TRAPPC8: variants seen among roughly 807,000 people sequenced by gnomAD.
The protein encoded by TRAPPC8 is general sporulation gene 1 homolog.
A neutral mutation model predicts 174.3 loss-of-function variants in TRAPPC8; 54 were observed. That is an observed-to-expected ratio of 0.31 (90% CI 0.25 to 0.39). The LOEUF is 0.39. TRAPPC8 is among the 10% of genes least tolerant of loss of function. The pLI is 1.00. For missense variants in TRAPPC8, 1,531 were observed against 1,699.1 expected (o/e 0.90, Z 1.74); for synonymous variants, 630 against 579.9 (o/e 1.09, Z -1.24).
At chr18:31,848,757 T>C (rs1369891837) in intron 25 of TRAPPC8, among the ~76,000 whole-genome samples, 3 of 152,202 alleles carry the variant, frequency 2.0e-5, no homozygotes, top group Non-Finnish European at 4.4e-5. Context: ...CGGGTGATTA[T>C]TCTTGGACAA....
At position 31,904,236 on chromosome 18, in the gene TRAPPC8, CAAAAAAAA is replaced by C. The variant is rs113613252; in HGVS notation, c.1389+3216_1390-3212del. Among the ~76,000 whole-genome samples the C allele has an allele frequency of 7.9e-4, 73 of 92,202 alleles. 1 individual carries two copies. The highest frequency in any genetic ancestry group is 2.0e-3 in the African/African-American group (53 of 26,578). The allele number at this position is 92,202 out of a possible 152,430, so 60.5% of individuals were successfully genotyped here. On this transcript the variant is annotated intron_variant, in intron 9 of 28. Transcript: ENST00000283351. ...GGGCAACAGAGCAAGACCTTGCCTC[CAAAAAAAA>C]AAAAAAAGAAAAAAGAACCTAAGTT... is the stretch of plus-strand genomic sequence containing the variant.
intron 12 of TRAPPC8, among the ~76,000 whole-genome samples, chr18:31,875,723 C>A (rs1318331024): frequency 1.3e-5 from 2 of 152,048 alleles, no homozygotes; most frequent in Non-Finnish European, 2.9e-5. Context: ...TGGAAAATTG[C>A]AAGGAATGCC....
intron 16 of TRAPPC8, among the ~76,000 whole-genome samples, chr18:31,868,118 A>C (rs190541077): frequency 7.2e-4 from 110 of 152,296 alleles, no homozygotes; most frequent in Non-Finnish European, 1.8e-4. Flanking sequence ...GTGGGAGAGA[A>C]GGGAAAAAGG....
intron 11 of TRAPPC8, among the ~76,000 whole-genome samples, chr18:31,891,738 G>C (rs1004826327): frequency 5.9e-5 from 9 of 152,110 alleles, no homozygotes; most frequent in Admixed American, 5.9e-4. Flanking sequence ...ATTTTCCCCA[G>C]GGAAAGTTGA....
At chr18:31,893,974 T>C (rs1162209683) in intron 11 of TRAPPC8, among the ~76,000 whole-genome samples, 4 of 152,222 alleles carry the variant, frequency 2.6e-5, no homozygotes, top group African/African-American at 7.2e-5. Context: ...GAATATTTAA[T>C]GGTTTGCAAA....
At chr18:31,852,696 T>C in intron 22 of TRAPPC8, 33 bp from the exon 23 acceptor site, 1 of 1,557,552 alleles carries the variant, frequency 6.4e-7, no homozygotes, top group Non-Finnish European at 8.8e-7. Context: ...CAAAGATGTT[T>C]CTCAGTTCAT....
intron 13 of TRAPPC8, chr18:31,874,262 C>A: frequency 6.0e-6 from 3 of 499,648 alleles, no homozygotes; most frequent in Non-Finnish European, 1.0e-5. Flanking sequence ...AGCCACAAAT[C>A]AAGTGTTCAT....
In TRAPPC8 at chr18:31,854,691, G is replaced by A. The variant is rs116325461; in HGVS notation, c.3337-746C>T. 2.5e-3 allele frequency among the ~76,000 whole-genome samples: 374 copies of A among 152,144 alleles called. 3 individuals carry two copies. Among genetic ancestry groups the A allele is most frequent in the African/African-American group, 8.6e-3 (357 of 41,504 alleles). On this transcript the variant is annotated intron_variant, in intron 21 of 28. Coordinates refer to ENST00000283351, the MANE Select transcript of TRAPPC8 (RefSeq NM_014939.5). Reference sequence around the variant, plus strand: ...TCTTTGAGAATACTCATTTTTGGCCGAGCACGGTGGCTCACGCCTGTAATC... The same window carrying A: ...TCTTTGAGAATACTCATTTTTGGCCAAGCACGGTGGCTCACGCCTGTAATC...
intron 1 of TRAPPC8, 154 bp downstream of exon 1, chr18:31,942,454 C>T (rs1209406644): frequency 7.9e-6 from 8 of 1,015,776 alleles, no homozygotes; most frequent in Non-Finnish European, 9.4e-6. Context: ...CCTCCTCCAG[C>T]CGCCCCCGGA....
At chr18:31,857,496 C>A in intron 20 of TRAPPC8, 44 bp downstream of exon 20, 1 of 1,438,526 alleles carries the variant, frequency 7.0e-7, no homozygotes, top group African/African-American at 1.4e-5. Context: ...TGTGCATATA[C>A]ATTGAACATA....
At chr18:31,914,129 T>C (rs1417855256) in intron 4 of TRAPPC8, among the ~76,000 whole-genome samples, 5 of 96,150 alleles carry the variant, frequency 5.2e-5, no homozygotes, top group Non-Finnish European at 7.5e-5. Context: ...GAGACCCCCA[T>C]CTCAAAAAAA....
chr18:31,930,566 C>T (rs2037805846), intron 2 of TRAPPC8, among the ~76,000 whole-genome samples: 1 of 152,162 alleles, frequency 6.6e-6, no homozygotes, highest in African/African-American at 2.4e-5. Context: ...AAAATATCTA[C>T]CCCATGTCAA....
chr18:31,942,573 CG>C, intron 1 of TRAPPC8, 34 bp downstream of exon 1: 1 of 1,492,852 alleles, frequency 6.7e-7, no homozygotes, highest in Non-Finnish European at 9.0e-7. Context: ...CACGGCTTTG[CG>C]GGAGCCCACT....
chr18:31,894,626 C>A (rs1233520842), intron 11 of TRAPPC8, among the ~76,000 whole-genome samples: 2 of 151,982 alleles, frequency 1.3e-5, no homozygotes, highest in African/African-American at 4.8e-5. Context: ...GAGGTAGAGG[C>A]CTCAATTAAC....
intron 2 of TRAPPC8, 97 bp downstream of exon 2, chr18:31,931,231 CT>C: frequency 8.5e-7 from 1 of 1,176,190 alleles, no homozygotes; most frequent in Admixed American, 2.8e-5. Context: ...ACTTAGTAAA[CT>C]CTTAAATACA....
chr18:31,941,097 A>G lies in TRAPPC8; in HGVS notation c.157+1511T>C, dbSNP rs552935776. Among the ~76,000 whole-genome samples the G allele has an allele frequency of 6.4e-4, 97 of 152,358 alleles. 1 individual carries two copies. The South Asian group carries it at 0.013, about 20-fold the overall frequency. The stretch of plus-strand genomic sequence containing the variant: ...GCATTATTATTATTTATTAAGAAAG[A>G]AGGAAAGAGTACACATATAAAAGTA... On this transcript the variant is annotated intron_variant, in intron 1 of 28. Coordinates refer to ENST00000283351, the MANE Select transcript of TRAPPC8 (RefSeq NM_014939.5).
intron 9 of TRAPPC8, among the ~76,000 whole-genome samples, chr18:31,905,713 G>C (rs1030624581): frequency 1.3e-5 from 2 of 152,064 alleles, no homozygotes; most frequent in African/African-American, 2.4e-5. Flanking sequence ...ATTATTTTTA[G>C]GGTAGCTTTT....
At chr18:31,892,065 T>C (rs1009052970) in intron 11 of TRAPPC8, among the ~76,000 whole-genome samples, 1 of 152,236 alleles carries the variant, frequency 6.6e-6, no homozygotes, top group African/African-American at 2.4e-5. Flanking sequence ...CAGAAATACT[T>C]AGGGGAGCTT....
At chr18:31,889,505 A>AT (rs1251521942) in intron 12 of TRAPPC8, among the ~76,000 whole-genome samples, 1 of 152,178 alleles carries the variant, frequency 6.6e-6, no homozygotes, top group Non-Finnish European at 1.5e-5. Context: ...TGCTTAATAC[A>AT]TTTTGTCATT....
Sources: gnomAD v4.1 joint callset for allele counts (sites outside exome capture counted in the v4.1 genomes callset) on GRCh38, gnomAD v4.1.1 for gene constraint, MANE v1.5 for transcripts, NCBI Gene and HGNC (gene_info 2026-07-23, HGNC 2026-07-21) for gene names.